Variants in GPR26 observed in about 807,000 individuals in gnomAD.
GPR26 encodes G protein-coupled receptor 26.
A neutral mutation model predicts 23.1 loss-of-function variants in GPR26; 15 were observed. The observed-to-expected ratio is 0.65, with a 90% CI of 0.43 to 1.00. The LOEUF (loss-of-function observed/expected upper bound fraction) is 1.00, where lower values mean the gene tolerates loss of function less well. Among genes scored for constraint, GPR26 ranks in the 50% least tolerant of loss-of-function variants. The pLI, the probability that GPR26 is intolerant of heterozygous loss-of-function variation, is 0.00. For missense variants in GPR26, 359 were observed against 470.5 expected, an observed-to-expected ratio of 0.76 and a Z score of 2.19; for synonymous variants, 228 against 222.1, an observed-to-expected ratio of 1.03 and a Z score of -0.24.
In GPR26 at chr10:123,696,218, CA is replaced by C. The variant is rs1373755796; in HGVS notation, c.*8059del. On this transcript the variant is annotated 3_prime_UTR_variant, in exon 3 of 3. Coordinates refer to ENST00000284674, the MANE Select transcript of GPR26 (RefSeq NM_153442.4). ...CTCCTGTCCGTCCTTCTTCATGGAA[CA>C]CACTCATTTCGCCACACGGAGGCTT... 6.6e-6 allele frequency among the ~76,000 whole-genome samples: 1 copy of C among 152,186 alleles called. No individual in the cohort carries two copies. The highest frequency in any genetic ancestry group is 1.5e-5 in the Non-Finnish European group (1 of 68,030).
intron 2 of GPR26, among the ~76,000 whole-genome samples, chr10:123,684,588 C>T (rs7098285): frequency 0.3 from 45,155 of 152,098 alleles, 6,701 homozygotes; most frequent in African/African-American, 0.32. Context: ...GCTCACTCCA[C>T]CCATTCCCCG....
intron 2 of GPR26, among the ~76,000 whole-genome samples, chr10:123,677,798 G>A (rs1474004694): frequency 1.3e-5 from 2 of 152,218 alleles, no homozygotes; most frequent in Non-Finnish European, 2.9e-5. Context: ...GGGACAGCAT[G>A]AGCCAGGTCT....
chr10:123,690,588 C>T lies in GPR26; in HGVS notation c.*2428C>T, dbSNP rs376400094. On this transcript the variant is annotated 3_prime_UTR_variant, in exon 3 of 3. Transcript: ENST00000284674. ...ATACCTCTAAAACCAATTGTACCGACATCACGTAGACAAAAACTCCAGATA... is the reference window on the plus strand; with the variant it reads ...ATACCTCTAAAACCAATTGTACCGATATCACGTAGACAAAAACTCCAGATA... 6.6e-6 allele frequency: 1 copy of T among 152,146 alleles called. No homozygotes were observed. The highest frequency in any genetic ancestry group is 1.5e-5 in the Non-Finnish European group (1 of 68,036). The allele number at this position is 152,146 out of a possible 1,614,324, so 9.4% of individuals were successfully genotyped here.
At position 123,688,388 on chromosome 10, in the gene GPR26, CCTTT is replaced by C. The variant is rs1845454236; in HGVS notation, c.*235_*238del. ...AGGATGACTGTAGGCCGTGTGCTGG[CCTTT>C]CTTTCTAAGAAGCTGCTTTGAGCTC... On this transcript the variant is annotated 3_prime_UTR_variant, in exon 3 of 3. Coordinates refer to ENST00000284674, the MANE Select transcript of GPR26 (RefSeq NM_153442.4). The C allele has an allele frequency of 9.1e-6, 5 of 550,314 alleles. No homozygotes were observed. The highest frequency in any genetic ancestry group is 6.5e-6 in the Non-Finnish European group (2 of 305,800). 34.1% of individuals were successfully genotyped at this position (550,314 alleles called of 1,614,324 possible).
intron 2 of GPR26, among the ~76,000 whole-genome samples, chr10:123,682,314 A>G (rs1845386554): frequency 6.6e-6 from 1 of 151,950 alleles, no homozygotes; most frequent in Non-Finnish European, 1.5e-5. Flanking sequence ...CCACTGGCAG[A>G]TGCAGTTGGC....
At chr10:123,675,543 C>T (rs141229984) in intron 2 of GPR26, among the ~76,000 whole-genome samples, 64 of 152,236 alleles carry the variant, frequency 4.2e-4, no homozygotes, top group African/African-American at 1.5e-3. Context: ...AATACACTAG[C>T]CTTGGGTTGT....
chr10:123,670,123 C>T (rs977242774), intron 1 of GPR26, among the ~76,000 whole-genome samples: 2 of 152,072 alleles, frequency 1.3e-5, no homozygotes, highest in Admixed American at 6.5e-5. Context: ...GAAGCAGTGC[C>T]AAACCTAACT....
At chr10:123,667,666 C>T (rs1330143999) in intron 1 of GPR26, among the ~76,000 whole-genome samples, 2 of 151,654 alleles carry the variant, frequency 1.3e-5, no homozygotes, top group African/African-American at 2.4e-5. Context: ...GTGGGGGGCT[C>T]TTCCTGCCCT....
Position 123,688,902 on chromosome 10 carries a change from T to C in GPR26, c.*742T>C, listed in dbSNP as rs2133932883. ...TTAAATAGGCTGGTCCTACATGTAT[T>C]AGGTTCTTTCAAGTTTGACTGGGAG... On this transcript the variant is annotated 3_prime_UTR_variant, in exon 3 of 3. Coordinates refer to ENST00000284674, the MANE Select transcript of GPR26 (RefSeq NM_153442.4). The C allele has an allele frequency of 6.6e-6, 1 of 152,360 alleles. No individual in the cohort carries two copies. Among genetic ancestry groups the C allele is most frequent in the African/African-American group, 2.4e-5 (1 of 41,572 alleles). 9.4% of individuals were successfully genotyped at this position (152,360 alleles called of 1,614,324 possible). A position where few individuals can be genotyped will look rare whatever the true frequency, so the allele number is the denominator to read the frequency against.
At chr10:123,686,414 G>T (rs1845430485) in intron 2 of GPR26, among the ~76,000 whole-genome samples, 1 of 152,138 alleles carries the variant, frequency 6.6e-6, no homozygotes, top group African/African-American at 2.4e-5. Context: ...AGGCTCCCAA[G>T]CATATGAGAG....
intron 2 of GPR26, among the ~76,000 whole-genome samples, chr10:123,680,838 G>GGTGTTTTT (rs1564732146): frequency 1.0e-5 from 1 of 95,294 alleles, no homozygotes; most frequent in Non-Finnish European, 2.1e-5. Context: ...GGGGGGGGGG[G>GGTGTTTTT]TTGTTTTTTT....
In GPR26 at chr10:123,667,060, T is replaced by C; in HGVS notation, c.653T>C (p.Val218Ala). 1.3e-6 allele frequency: 2 copies of C among 1,594,008 alleles called. No individual in the cohort carries two copies. Among genetic ancestry groups the C allele is most frequent in the Non-Finnish European group, 1.7e-6 (2 of 1,170,454 alleles). Residue 218 changes from valine (V) to alanine (A), a missense_variant, in exon 1 of 3, where the codon GTG (valine) becomes GCG (alanine). Val to Ala is a moderately conservative substitution (Grantham distance 64). Transcript: ENST00000284674. The part of the protein sequence containing the change: ...VITMQTLVLL[V>A]DLHPSVRERC... ...ACCATGCAGACGCTGGTGCTGCTGG[T>C]GGACCTGCACCCCAGGTGAGCCGAG...
intron 1 of GPR26, among the ~76,000 whole-genome samples, chr10:123,670,175 C>G (rs1390769354): frequency 1.3e-5 from 2 of 152,228 alleles, no homozygotes; most frequent in Non-Finnish European, 2.9e-5. Context: ...CTGGTTCCCC[C>G]AGTGTGTCCT....
chr10:123,684,991 A>C (rs1016680457), intron 2 of GPR26, among the ~76,000 whole-genome samples: 3 of 152,170 alleles, frequency 2.0e-5, no homozygotes, highest in Non-Finnish European at 4.4e-5. Flanking sequence ...AGGGCCTTAC[A>C]CTGGAGACTT....
chr10:123,691,102 G>C lies in GPR26; in HGVS notation c.*2942G>C, dbSNP rs1219824. On this transcript the variant is annotated 3_prime_UTR_variant, in exon 3 of 3. Coordinates refer to ENST00000284674, the MANE Select transcript of GPR26 (RefSeq NM_153442.4). ...ATCAGAATTTGCCTTTTTAAGTCAC[G>C]CTGCAACTATTCCGGCTTTTTATAT... 150,156 of 152,306 alleles carry C rather than the reference G, an allele frequency of 0.99. 74,052 individuals carry two copies. Among genetic ancestry groups the C allele is most frequent in the East Asian group, 1 (5,176 of 5,176 alleles). The allele number at this position is 152,306 out of a possible 1,614,324, so 9.4% of individuals were successfully genotyped here. A position where few individuals can be genotyped will look rare whatever the true frequency, so the allele number is the denominator to read the frequency against.
At position 123,675,021 on chromosome 10, in the gene GPR26, C is replaced by G. The variant is rs35742446; in HGVS notation, c.782+90C>G. ...GCAGTGGCAGCCTCTCTTGGCCACA[C>G]GTTCTTCTGCACGGTGTGTTGTGGG... On this transcript the variant is annotated intron_variant, in intron 2 of 2. Coordinates refer to ENST00000284674, the MANE Select transcript of GPR26 (RefSeq NM_153442.4). The G allele has an allele frequency of 2.1e-5, 16 of 759,750 alleles. No individual in the cohort carries two copies. The East Asian group carries it at 4.4e-4, about 21-fold the overall frequency. The allele number at this position is 759,750 out of a possible 1,614,324, so 47.1% of individuals were successfully genotyped here.
At chr10:123,682,385 G>A (rs1248989841) in intron 2 of GPR26, among the ~76,000 whole-genome samples, 2 of 152,164 alleles carry the variant, frequency 1.3e-5, no homozygotes, top group Non-Finnish European at 2.9e-5. Flanking sequence ...CTTGTGTACT[G>A]GGGCACACGA....
At chr10:123,677,443 C>T (rs982365693) in intron 2 of GPR26, among the ~76,000 whole-genome samples, 18 of 152,304 alleles carry the variant, frequency 1.2e-4, no homozygotes, top group South Asian at 2.1e-4. Context: ...GCCACCACCC[C>T]GGCTGCTCCT....
intron 2 of GPR26, among the ~76,000 whole-genome samples, chr10:123,677,576 C>T (rs867839556): frequency 5.3e-5 from 8 of 152,332 alleles, no homozygotes; most frequent in African/African-American, 1.9e-4. Flanking sequence ...AAAAGAATCC[C>T]TCCAGCGGAG....
Sources: gnomAD v4.1 joint callset for allele counts (sites outside exome capture counted in the v4.1 genomes callset) on GRCh38, gnomAD v4.1.1 for gene constraint, MANE v1.5 for transcripts, NCBI Gene and HGNC (gene_info 2026-07-23, HGNC 2026-07-21) for gene names.